RBM25: variants seen among roughly 807,000 people sequenced by gnomAD.
The protein encoded by RBM25 is RNA-binding protein 25.
A neutral mutation model predicts 120.7 loss-of-function variants in RBM25; 19 were observed. The ratio of observed to expected loss-of-function variants is 0.16; its 90% CI spans 0.11 to 0.23. RBM25 has a LOEUF of 0.23. Ranked by LOEUF, RBM25 falls within the 10% of genes least tolerant of loss-of-function variation. The pLI, the probability that RBM25 is intolerant of heterozygous loss-of-function variation, is 1.00. For missense variants in RBM25, 605 were observed against 1,041.5 expected, an observed-to-expected ratio of 0.58 and a Z score of 5.77; for synonymous variants, 390 against 326.7, an observed-to-expected ratio of 1.19 and a Z score of -2.09.
At chr14:73,117,525 C>T (rs1427492213) in intron 18 of RBM25, among the ~76,000 whole-genome samples, 1 of 152,048 alleles carries the variant, frequency 6.6e-6, no homozygotes, top group Non-Finnish European at 1.5e-5. Context: ...GCCACTGTGC[C>T]CAGTCTCTTC....
Position 73,108,007 on chromosome 14 carries a change from C to G in RBM25, c.1541+108C>G, listed in dbSNP as rs532671832. The G allele has an allele frequency of 1.4e-4, 102 of 738,198 alleles. No homozygotes were observed. The East Asian group carries it at 2.6e-3, about 19-fold the overall frequency. The allele number at this position is 738,198 out of a possible 1,614,324, so 45.7% of individuals were successfully genotyped here. The stretch of plus-strand genomic sequence containing the variant: ...CACTAAGTGGAATAAGAAAAACAAA[C>G]TTTCACATTCTGAGTAATTATTAAT... On this transcript the variant is annotated intron_variant, in intron 13 of 18. Transcript: ENST00000261973.
chr14:73,116,276 G>A (rs1231225856), intron 18 of RBM25, among the ~76,000 whole-genome samples: 1 of 152,190 alleles, frequency 6.6e-6, no homozygotes, highest in Non-Finnish European at 1.5e-5. Context: ...CGGGAAGACA[G>A]CAATGGGAAG....
chr14:73,106,490 T>C (rs944585458), intron 12 of RBM25, among the ~76,000 whole-genome samples: 1 of 152,184 alleles, frequency 6.6e-6, no homozygotes, highest in African/African-American at 2.4e-5. Context: ...GCATCTAAAG[T>C]TATCTTTTTG....
rs1896084609 is a variant in RBM25 at position 73,102,993 on chromosome 14, G to A, written c.868-199G>A. The A allele has an allele frequency of 2.7e-6, 3 of 1,129,440 alleles. No homozygotes were observed. The Admixed American group carries it at 7.9e-5, about 30-fold the overall frequency. 70.0% of individuals were successfully genotyped at this position (1,129,440 alleles called of 1,614,324 possible). ...CCAAGATTGGAGATTCCTGGTCTGT[G>A]TAGAGTATATGGTTTTGCACGAAAT... On this transcript the variant is annotated intron_variant, in intron 9 of 18. Transcript: ENST00000261973.
At chr14:73,117,814 A>C (rs535285364) in intron 18 of RBM25, among the ~76,000 whole-genome samples, 2 of 152,132 alleles carry the variant, frequency 1.3e-5, no homozygotes, top group East Asian at 3.9e-4. Context: ...TCCTACCCCA[A>C]ACTTCCTCTA....
intron 18 of RBM25, among the ~76,000 whole-genome samples, chr14:73,115,751 T>C (rs1896414067): frequency 6.6e-6 from 1 of 152,230 alleles, no homozygotes; most frequent in South Asian, 2.1e-4. Context: ...AGTATCTGAA[T>C]AGAGCTGGTG....
Position 73,110,910 on chromosome 14 carries a change from A to C in RBM25, c.1772A>C (p.Gln591Pro). The C allele has an allele frequency of 6.2e-7, 1 of 1,611,610 alleles. No homozygotes were observed. The highest frequency in any genetic ancestry group is 8.5e-7 in the Non-Finnish European group (1 of 1,178,736). The stretch of plus-strand genomic sequence containing the variant: ...TCAGAAGAGGAGGAAGAAGAAAAGC[A>C]AGAAAAAGAAGAAAAACGAGAAGAA... ...PESEEEEEEK[Q>P]EKEEKREEPM... The change falls in exon 15 of 19, where the codon CAA becomes CCA. Residue 591 changes from glutamine (Q) to proline (P), a missense_variant. Physicochemically the swap from Gln to Pro is moderately conservative, Grantham distance 76. Around this residue, in one of 4 missense-constraint regions of RBM25, gnomAD observed 465 missense variants for 741.6 expected, o/e 0.63. Transcript: ENST00000261973.
rs1566594595 is a variant in RBM25 at position 73,097,209 on chromosome 14, T to TTTTC, written c.729+112_729+113insCTTT. 23 of 785,610 alleles carry TTTTC rather than the reference T, an allele frequency of 2.9e-5. No individual in the cohort carries two copies. The East Asian group carries it at 8.0e-4, about 27-fold the overall frequency. The allele number at this position is 785,610 out of a possible 1,614,324, so 48.7% of individuals were successfully genotyped here. The stretch of plus-strand genomic sequence containing the variant: ...CTTTTTTCTTTTCTTTTTTTTTTTT[T>TTTTC]TTTTTTTTTGAGATGGAGGCTCACT... On this transcript the variant is annotated intron_variant, in intron 7 of 18. Coordinates refer to ENST00000261973, the MANE Select transcript of RBM25 (RefSeq NM_021239.3).
At chr14:73,065,620 G>A (rs528931512) in intron 1 of RBM25, among the ~76,000 whole-genome samples, 4 of 151,860 alleles carry the variant, frequency 2.6e-5, no homozygotes, top group African/African-American at 7.3e-5. Context: ...GGGTTTCGCC[G>A]TGTTGGCCAG....
At chr14:73,089,158 A>G (rs1895753800) in intron 6 of RBM25, among the ~76,000 whole-genome samples, 1 of 152,166 alleles carries the variant, frequency 6.6e-6, no homozygotes, top group South Asian at 2.1e-4. Context: ...GCCAAAAAAG[A>G]AAAAAGAAAT....
intron 1 of RBM25, among the ~76,000 whole-genome samples, chr14:73,063,235 C>T (rs140047878): frequency 0.011 from 1,688 of 151,238 alleles, 52 homozygotes; most frequent in African/African-American, 0.038. Flanking sequence ...CTGCAAGCTC[C>T]GCCTCCCGGG....
At position 73,071,759 on chromosome 14, in the gene RBM25, G is replaced by C. The variant is rs753263971; in HGVS notation, c.106+12G>C. The stretch of plus-strand genomic sequence containing the variant: ...ACCTGTACCTCCAGGTAAGTTTGTT[G>C]ATACTGTTTTTTGTCGTTAAACTTG... On this transcript the variant is annotated intron_variant, in intron 2 of 18. Coordinates refer to ENST00000261973, the MANE Select transcript of RBM25 (RefSeq NM_021239.3). The C allele has an allele frequency of 6.3e-7, 1 of 1,588,342 alleles. No homozygotes were observed. Among genetic ancestry groups the C allele is most frequent in the African/African-American group, 1.3e-5 (1 of 74,316 alleles).
At chr14:73,101,541 A>T (rs953555316) in intron 9 of RBM25, 4 of 151,114 alleles carry the variant, frequency 2.6e-5, no homozygotes, top group African/African-American at 9.7e-5. Flanking sequence ...TATCTCATAT[A>T]TAAACTTCAG....
In RBM25 at chr14:73,117,210, C is replaced by CTTTTTTTTT. The variant is rs71112704; in HGVS notation, c.2440-2477_2440-2469dup. Among the ~76,000 whole-genome samples, 128 of 49,424 alleles carry CTTTTTTTTT rather than the reference C, an allele frequency of 2.6e-3. 11 individuals carry two copies. The highest frequency in any genetic ancestry group is 2.8e-3 in the Non-Finnish European group (76 of 27,336). 32.4% of individuals were successfully genotyped at this position (49,424 alleles called of 152,430 possible). ...TTTCTTTTAATTTCTTTCTTCTTTT[C>CTTTTTTTTT]TTTTTTTTTTTTTTTTTTTTTTTTT... On this transcript the variant is annotated intron_variant, in intron 18 of 18. Transcript: ENST00000261973.
intron 9 of RBM25, chr14:73,099,983 A>C: frequency 1.9e-6 from 1 of 538,708 alleles, no homozygotes; most frequent in South Asian, 4.0e-5. Context: ...ATCTCACTTT[A>C]ATATGAATAG....
chr14:73,098,857 T>C (rs1453832078), intron 7 of RBM25, among the ~76,000 whole-genome samples: 2 of 152,152 alleles, frequency 1.3e-5, no homozygotes, highest in African/African-American at 2.4e-5. Context: ...TTAGCCAGGA[T>C]GGTCTCGATC....
chr14:73,085,509 ATC>A (rs1895664027), intron 5 of RBM25, among the ~76,000 whole-genome samples: 1 of 149,506 alleles, frequency 6.7e-6, no homozygotes, highest in Non-Finnish European at 1.5e-5. Flanking sequence ...CGATGGCACC[ATC>A]TCAGCTCGCT....
chr14:73,113,224 C>T (rs1484290313), intron 17 of RBM25, among the ~76,000 whole-genome samples: 1 of 151,836 alleles, frequency 6.6e-6, no homozygotes, highest in Non-Finnish European at 1.5e-5. Flanking sequence ...TGAGTGAGAA[C>T]ATGTGGTGTT....
At chr14:73,058,994 A>T (rs1296815895) in intron 1 of RBM25, among the ~76,000 whole-genome samples, 1 of 151,886 alleles carries the variant, frequency 6.6e-6, no homozygotes, top group Non-Finnish European at 1.5e-5. Flanking sequence ...TCCGCCGCGG[A>T]GTGAATCGTC....
Sources: allele counts gnomAD v4.1 joint callset (sites outside exome capture counted in the v4.1 genomes callset), GRCh38; gene constraint gnomAD v4.1.1; regional missense constraint gnomAD v4.1.1; transcripts MANE v1.5; gene names NCBI Gene and HGNC (gene_info 2026-07-23, HGNC 2026-07-21).